The following PARD3B variants were observed in gnomAD, a reference collection of about 807,000 sequenced individuals.
PARD3B encodes the protein par-3 family cell polarity regulator beta, also known as partitioning defective 3 homolog B.
A neutral mutation model predicts 130.2 loss-of-function variants in PARD3B; 103 were observed. The ratio of observed to expected loss-of-function variants is 0.79; its 90% CI spans 0.67 to 0.93. The LOEUF (loss-of-function observed/expected upper bound fraction) is 0.93. Ranked by LOEUF, PARD3B falls within the 40% of genes least tolerant of loss-of-function variation. The pLI is 0.00. For missense variants in PARD3B, 1,609 were observed against 1,499.2 expected, an observed-to-expected ratio of 1.07 and a Z score of -1.21; for synonymous variants, 583 against 553.2, an observed-to-expected ratio of 1.05 and a Z score of -0.76.
At position 205,140,857 on chromosome 2, in the gene PARD3B, G is replaced by GA. The variant is rs536180872; in HGVS notation, c.1434+15127dup. ...TGAGATTTTCTTCTACAATTTAGCAGAAAAAAATGAAGTCGAAAAGGCATC... is the reference window on the plus strand; with the variant it reads ...TGAGATTTTCTTCTACAATTTAGCAGAAAAAAAATGAAGTCGAAAAGGCATC... On this transcript the variant is annotated intron_variant, in intron 10 of 22. Transcript: ENST00000406610. Among the ~76,000 whole-genome samples the GA allele has an allele frequency of 1.4e-3, 207 of 152,058 alleles. 2 individuals are homozygous for GA. The highest frequency in any genetic ancestry group is 4.8e-3 in the African/African-American group (199 of 41,476).
At chr2:205,076,487 T>G (rs1471176476) in intron 4 of PARD3B, among the ~76,000 whole-genome samples, 1 of 152,206 alleles carries the variant, frequency 6.6e-6, no homozygotes, top group Non-Finnish European at 1.5e-5. Flanking sequence ...CTTCTCAAAG[T>G]TTGTTCCACA....
At chr2:204,996,399 C>T (rs1694181701) in intron 3 of PARD3B, among the ~76,000 whole-genome samples, 1 of 152,128 alleles carries the variant, frequency 6.6e-6, no homozygotes, top group Admixed American at 6.5e-5. Flanking sequence ...GCTCAGGGGT[C>T]AGGGGTCAGG....
rs1420443674 is a variant in PARD3B at position 205,183,441 on chromosome 2, T to G, written c.1925-2323T>G. Among the ~76,000 whole-genome samples the G allele has an allele frequency of 1.3e-5, 2 of 152,168 alleles. No individual in the cohort carries two copies. The highest frequency in any genetic ancestry group is 2.9e-5 in the Non-Finnish European group (2 of 68,018). On this transcript the variant is annotated intron_variant, in intron 13 of 22. Coordinates refer to ENST00000406610, the MANE Select transcript of PARD3B (RefSeq NM_001302769.2). The surrounding 1 kb of genome is among the most constrained non-coding windows in gnomAD (Gnocchi z 5.2). Reference sequence around the variant, plus strand: ...CCATTGTCCCCAATTTACATTACAGTCCTTCTGTTCTGTTTCTCTTAGCAA... The same window carrying G: ...CCATTGTCCCCAATTTACATTACAGGCCTTCTGTTCTGTTTCTCTTAGCAA...
intron 3 of PARD3B, among the ~76,000 whole-genome samples, chr2:205,043,906 C>T (rs1328961785): frequency 6.6e-6 from 1 of 151,306 alleles, no homozygotes; most frequent in Non-Finnish European, 1.5e-5. Flanking sequence ...GCTGCACCCA[C>T]CAACTCGTCA....
At chr2:204,631,248 C>CT (rs57424347) in intron 1 of PARD3B, among the ~76,000 whole-genome samples, 167 of 137,242 alleles carry the variant, frequency 1.2e-3, no homozygotes, top group African/African-American at 3.3e-3. Flanking sequence ...TTCTTTCTTT[C>CT]TTTTTTTTTT....
chr2:205,365,960 A>G (rs1415479789), intron 18 of PARD3B, among the ~76,000 whole-genome samples: 1 of 152,168 alleles, frequency 6.6e-6, no homozygotes, highest in Non-Finnish European at 1.5e-5. Flanking sequence ...ATGACCACAT[A>G]AAGCAGTCAG....
intron 2 of PARD3B, among the ~76,000 whole-genome samples, chr2:204,910,743 G>A (rs1353956944): frequency 6.6e-6 from 1 of 152,140 alleles, no homozygotes; most frequent in Non-Finnish European, 1.5e-5. Context: ...CCGGGTTCAC[G>A]CCATTCTCCT....
At chr2:205,024,711 A>C (rs910945772) in intron 3 of PARD3B, among the ~76,000 whole-genome samples, 9 of 152,224 alleles carry the variant, frequency 5.9e-5, no homozygotes, top group Admixed American at 3.3e-4. Context: ...TACCATAATA[A>C]TTAATGAAGC....
chr2:205,271,378 T>C (rs1268133998), intron 16 of PARD3B, among the ~76,000 whole-genome samples: 2 of 152,208 alleles, frequency 1.3e-5, no homozygotes, highest in South Asian at 2.1e-4. Flanking sequence ...AATCCCCTTA[T>C]TTGAAGGATT....
intron 21 of PARD3B, among the ~76,000 whole-genome samples, chr2:205,528,242 A>AAACTT (rs1360989546): frequency 6.6e-6 from 1 of 152,128 alleles, no homozygotes; most frequent in African/African-American, 2.4e-5. Flanking sequence ...CCAGGAAGTA[A>AAACTT]AACTTAACCA....
At chr2:205,022,864 C>T (rs553662594) in intron 3 of PARD3B, among the ~76,000 whole-genome samples, 1 of 152,256 alleles carries the variant, frequency 6.6e-6, no homozygotes, top group East Asian at 1.9e-4. Context: ...TGCAAGGCAT[C>T]CTTCTACATC....
chr2:204,688,204 C>G (rs182244573), intron 2 of PARD3B, among the ~76,000 whole-genome samples: 24 of 152,202 alleles, frequency 1.6e-4, no homozygotes, highest in Admixed American at 1.4e-3. Flanking sequence ...TACATGATGC[C>G]TAATTGGTAT....
chr2:204,848,935 A>G (rs1256933659), intron 2 of PARD3B, among the ~76,000 whole-genome samples: 2 of 152,118 alleles, frequency 1.3e-5, no homozygotes, highest in African/African-American at 4.8e-5. Context: ...GCTTATCAAT[A>G]ACAATTTTAA....
intron 21 of PARD3B, among the ~76,000 whole-genome samples, chr2:205,502,860 A>G (rs2050206662): frequency 6.6e-6 from 1 of 152,102 alleles, no homozygotes; most frequent in Non-Finnish European, 1.5e-5. Context: ...TGGACTTTCT[A>G]GATCTTCTCA....
At chr2:204,655,454 A>G (rs1202874295) in intron 1 of PARD3B, among the ~76,000 whole-genome samples, 1 of 152,002 alleles carries the variant, frequency 6.6e-6, no homozygotes. Flanking sequence ...CGTTTTCCTC[A>G]CTGCTGTTAC....
chr2:205,387,826 A>G lies in PARD3B; in HGVS notation c.2631-13187A>G, dbSNP rs180711430. On this transcript the variant is annotated intron_variant, in intron 18 of 22. Transcript: ENST00000406610. ...TGCTCTGGGTAATGGTTGCCAGTCC[A>G]GCCGTCATCTGAGTGACGCTGCTGG... is the stretch of plus-strand genomic sequence containing the variant. 3.7e-3 allele frequency among the ~76,000 whole-genome samples: 571 copies of G among 152,336 alleles called. 2 individuals are homozygous for G. The highest frequency in any genetic ancestry group is 5.9e-3 in the Non-Finnish European group (403 of 68,028).
chr2:204,766,651 C>G (rs1431507181), intron 2 of PARD3B, among the ~76,000 whole-genome samples: 1 of 151,742 alleles, frequency 6.6e-6, no homozygotes, highest in Non-Finnish European at 1.5e-5. Flanking sequence ...CATATTCATC[C>G]TCATAACAAT....
At chr2:204,812,451 T>A (rs2042996523) in intron 2 of PARD3B, among the ~76,000 whole-genome samples, 1 of 152,186 alleles carries the variant, frequency 6.6e-6, no homozygotes, top group Non-Finnish European at 1.5e-5. Flanking sequence ...CCAAGTGGGC[T>A]ACTTGAGAGA....
At chr2:205,569,040 T>G (rs1416199949) in intron 22 of PARD3B, among the ~76,000 whole-genome samples, 1 of 152,230 alleles carries the variant, frequency 6.6e-6, no homozygotes, top group Non-Finnish European at 1.5e-5. Flanking sequence ...CCACCAGCAC[T>G]GACTATAAAT....
Sources: gnomAD v4.1 joint callset for allele counts (sites outside exome capture counted in the v4.1 genomes callset) on GRCh38, gnomAD v4.1.1 for gene constraint, Gnocchi (gnomAD v3.1) non-coding constraint, MANE v1.5 for transcripts, NCBI Gene and HGNC (gene_info 2026-07-23, HGNC 2026-07-21) for gene names.